The following RTCA variants were observed in gnomAD, a reference collection of about 807,000 sequenced individuals.
RTCA encodes the protein RNA 3'-terminal phosphate cyclase.
In RTCA, 37 loss-of-function variants were observed where a neutral mutation model predicts 46.1. That is an observed-to-expected ratio of 0.80 (90% CI 0.62 to 1.06). The LOEUF (loss-of-function observed/expected upper bound fraction) is 1.06. Among genes scored for constraint, RTCA ranks in the 50% least tolerant of loss-of-function variants. The pLI is 0.00. For missense variants in RTCA, 435 were observed against 455.5 expected, an observed-to-expected ratio of 0.95 and a Z score of 0.41; for synonymous variants, 164 against 158.3, an observed-to-expected ratio of 1.04 and a Z score of -0.27.
chr1:100,273,265 A>G (rs1666197520), intron 4 of RTCA, 129 bp from the exon 5 acceptor site: 2 of 539,850 alleles, frequency 3.7e-6, no homozygotes, highest in Admixed American at 4.0e-5. Flanking sequence ...ACCAGCCTAC[A>G]TATTCTTATA....
intron 2 of RTCA, chr1:100,267,295 T>G (rs984048389): frequency 1.1e-5 from 5 of 457,870 alleles, no homozygotes; most frequent in Admixed American, 7.7e-5. Flanking sequence ...GTCTCAGTCT[T>G]TTGTCTACAG....
At chr1:100,268,634 A>G (rs562882909) in intron 3 of RTCA, among the ~76,000 whole-genome samples, 1 of 152,258 alleles carries the variant, frequency 6.6e-6, no homozygotes, top group East Asian at 1.9e-4. Flanking sequence ...AGCTCAAGCA[A>G]TCCACCCACG....
intron 8 of RTCA, among the ~76,000 whole-genome samples, chr1:100,283,261 C>T (rs1334560862): frequency 6.6e-6 from 1 of 151,080 alleles, no homozygotes; most frequent in Non-Finnish European, 1.5e-5. Flanking sequence ...ACCTCCGCCT[C>T]CCGAGTTCAA....
chr1:100,277,334 G>A lies in RTCA; in HGVS notation c.799+18G>A, dbSNP rs1239054956. Reference sequence around the variant, plus strand: ...TAAACGAGGTAAGATAAATGAAGGGGGTCCATAGTTCCCAATGCTACTGCA... The same window carrying A: ...TAAACGAGGTAAGATAAATGAAGGGAGTCCATAGTTCCCAATGCTACTGCA... On this transcript the variant is annotated intron_variant, in intron 8 of 10. Transcript: ENST00000370128. The A allele has an allele frequency of 6.3e-7, 1 of 1,591,620 alleles. No individual in the cohort carries two copies. Among genetic ancestry groups the A allele is most frequent in the East Asian group, 2.2e-5 (1 of 44,446 alleles).
chr1:100,286,264 AAC>A (rs1243822275), intron 9 of RTCA, among the ~76,000 whole-genome samples: 1 of 151,998 alleles, frequency 6.6e-6, no homozygotes, highest in Admixed American at 6.6e-5. Flanking sequence ...CATCCTGGCT[AAC>A]ACGGTGAAAC....
intron 8 of RTCA, among the ~76,000 whole-genome samples, chr1:100,279,372 C>T (rs1394283229): frequency 6.6e-6 from 1 of 152,202 alleles, no homozygotes; most frequent in Non-Finnish European, 1.5e-5. Context: ...GACTGATTGA[C>T]ACCAAATCTG....
chr1:100,269,363 CTTTTTTT>C (rs61660356), intron 3 of RTCA, among the ~76,000 whole-genome samples: 2 of 123,310 alleles, frequency 1.6e-5, no homozygotes, highest in African/African-American at 5.8e-5. Flanking sequence ...AGCTATCAGT[CTTTTTTT>C]TTTTTTTTTT....
chr1:100,289,306 G>T (rs9728652), intron 10 of RTCA, among the ~76,000 whole-genome samples: 105,897 of 148,392 alleles, frequency 0.71, 41,092 homozygotes, highest in East Asian at 0.93. Context: ...TTTTTTTTTT[G>T]TTTTTGTTTT....
In RTCA at chr1:100,275,310, A is replaced by G. The variant is rs147243783; in HGVS notation, c.616-289A>G. On this transcript the variant is annotated intron_variant, in intron 6 of 10. Transcript: ENST00000370128. The stretch of plus-strand genomic sequence containing the variant: ...CACTACCTAGGTGATGGGATCATTC[A>G]TATACCAGATCTCAGCGACATGTAA... Among the ~76,000 whole-genome samples, 889 of 152,332 alleles carry G rather than the reference A, an allele frequency of 5.8e-3. 11 individuals are homozygous for G. Among genetic ancestry groups the G allele is most frequent in the African/African-American group, 0.02 (822 of 41,574 alleles).
rs1289981276 is a variant in RTCA at position 100,291,475 on chromosome 1, G to A, written c.1072G>A (p.Gly358Arg). ...AKDTYIIECQGIGMTNPNL is the reference protein window; with the variant it reads ...AKDTYIIECQRIGMTNPNL ...AGATACTTATATTATTGAATGCCAA[G>A]GAATTGGGATGACAAATCCAAATCT... Residue 358 changes from glycine (G) to arginine (R), a missense_variant, in exon 11 of 11, where the codon GGA (glycine) becomes AGA (arginine). Transcript: ENST00000370128. 3 of 1,610,822 alleles carry A rather than the reference G, an allele frequency of 1.9e-6. No homozygotes were observed. Among genetic ancestry groups the A allele is most frequent in the Non-Finnish European group, 2.5e-6 (3 of 1,178,046 alleles).
intron 8 of RTCA, among the ~76,000 whole-genome samples, chr1:100,281,986 G>A (rs905172562): frequency 6.6e-6 from 1 of 152,114 alleles, no homozygotes; most frequent in African/African-American, 2.4e-5. Flanking sequence ...GATTACAGGC[G>A]TGAGCCACCG....
intron 5 of RTCA, among the ~76,000 whole-genome samples, chr1:100,273,735 T>G (rs759560866): frequency 6.6e-6 from 1 of 152,214 alleles, no homozygotes; most frequent in Non-Finnish European, 1.5e-5. Flanking sequence ...CAGCACAGCT[T>G]AAGTGCTCAC....
intron 3 of RTCA, among the ~76,000 whole-genome samples, chr1:100,269,619 C>T (rs1358631741): frequency 1.3e-5 from 2 of 152,030 alleles, no homozygotes; most frequent in African/African-American, 4.8e-5. Context: ...AGGCATGAGC[C>T]ACCACGCCCG....
chr1:100,267,233 C>T, intron 2 of RTCA: 2 of 367,456 alleles, frequency 5.4e-6, no homozygotes, highest in East Asian at 4.2e-5. Context: ...TTTGAAGCCA[C>T]ACTGATTGCT....
intron 6 of RTCA, 90 bp from the exon 7 acceptor site, chr1:100,275,509 C>A: frequency 2.1e-6 from 2 of 936,584 alleles, no homozygotes; most frequent in Non-Finnish European, 3.1e-6. Flanking sequence ...TAAAAGCTAC[C>A]AATTATTTTA....
intron 4 of RTCA, 28 bp downstream of exon 4, chr1:100,270,708 A>C: frequency 1.9e-6 from 3 of 1,610,486 alleles, no homozygotes; most frequent in Non-Finnish European, 2.5e-6. Flanking sequence ...TGACAAACTA[A>C]GATGATCTCA....
intron 8 of RTCA, among the ~76,000 whole-genome samples, chr1:100,277,617 T>A (rs1666465500): frequency 6.6e-6 from 1 of 152,216 alleles, no homozygotes; most frequent in Non-Finnish European, 1.5e-5. Context: ...CATTTCAATA[T>A]AAGTTGCAGG....
chr1:100,278,656 C>T (rs1666530592), intron 8 of RTCA, among the ~76,000 whole-genome samples: 1 of 152,164 alleles, frequency 6.6e-6, no homozygotes, highest in Admixed American at 6.6e-5. Flanking sequence ...TGTTAAGCCA[C>T]ACTATTACTA....
chr1:100,267,962 A>C, intron 2 of RTCA, 190 bp from the exon 3 acceptor site: 1 of 661,648 alleles, frequency 1.5e-6, no homozygotes, highest in Non-Finnish European at 2.5e-6. Flanking sequence ...AGGAAGTGTT[A>C]AAATGATACA....
Sources: allele counts gnomAD v4.1 joint callset (sites outside exome capture counted in the v4.1 genomes callset), GRCh38; gene constraint gnomAD v4.1.1; transcripts MANE v1.5; gene names NCBI Gene and HGNC (gene_info 2026-07-23, HGNC 2026-07-21).